The following ADGRA1 variants were observed in gnomAD, a reference collection of about 807,000 sequenced individuals.
The protein encoded by ADGRA1 is G-protein coupled receptor 123.
Under a neutral mutation model 21.3 loss-of-function variants are expected in ADGRA1, and 12 were observed. That is an observed-to-expected ratio of 0.56 (90% CI 0.36 to 0.91). The LOEUF is 0.91. Ranked by LOEUF, ADGRA1 falls within the 40% of genes least tolerant of loss-of-function variation. ADGRA1 has a pLI of 0.01. For synonymous variants in ADGRA1, 385 were observed against 368.8 expected (o/e 1.04, Z -0.50); for missense variants, 790 against 805.6 (o/e 0.98, Z 0.23).
At chr10:133,092,743 TAGGG>T (rs767516089) in intron 2 of ADGRA1, among the ~76,000 whole-genome samples, 16,590 of 109,658 alleles carry the variant, frequency 0.15, 2,226 homozygotes, top group Non-Finnish European at 0.17. Flanking sequence ...GAAGGAGAAA[TAGGG>T]AGGGAGGAAG....
At position 133,101,750 on chromosome 10, in the gene ADGRA1, G is replaced by A. The variant is rs576663856; in HGVS notation, c.256-947G>A. ...AGGCCTAGGCACTGGGATGGGACAC[G>A]ACCCCACACTCAGTGGCCAGGCCGG... On this transcript the variant is annotated intron_variant, in intron 4 of 6. Transcript: ENST00000392607. 1.5e-3 allele frequency among the ~76,000 whole-genome samples: 229 copies of A among 152,294 alleles called. 2 individuals carry two copies. The highest frequency in any genetic ancestry group is 2.6e-3 in the Non-Finnish European group (178 of 68,030).
chr10:133,101,982 G>A (rs1018236582), intron 4 of ADGRA1, among the ~76,000 whole-genome samples: 47 of 152,328 alleles, frequency 3.1e-4, no homozygotes, highest in African/African-American at 1.0e-3. Context: ...AGCTTTATGC[G>A]GCGAATCTCT....
At chr10:133,125,559 G>T (rs979625701) in intron 5 of ADGRA1, among the ~76,000 whole-genome samples, 2 of 151,994 alleles carry the variant, frequency 1.3e-5, no homozygotes, top group African/African-American at 2.4e-5. Flanking sequence ...GAGTAGCTGG[G>T]ACTACAGGCG....
chr10:133,095,397 G>C (rs1292728131), intron 2 of ADGRA1, among the ~76,000 whole-genome samples: 1 of 152,212 alleles, frequency 6.6e-6, no homozygotes, highest in Non-Finnish European at 1.5e-5. Flanking sequence ...CTCTCTGTGG[G>C]GTCCTGGTGT....
intron 5 of ADGRA1, among the ~76,000 whole-genome samples, chr10:133,113,566 G>A (rs968967181): frequency 1.1e-4 from 17 of 152,186 alleles, no homozygotes; most frequent in Admixed American, 2.0e-4. Flanking sequence ...TGGGGCCCTC[G>A]GGCACTGGGG....
chr10:133,121,984 T>C (rs1442425487), intron 5 of ADGRA1, among the ~76,000 whole-genome samples: 3 of 151,946 alleles, frequency 2.0e-5, no homozygotes, highest in African/African-American at 4.8e-5. Context: ...TGTATGTGTG[T>C]GCCTGTGTGT....
intron 5 of ADGRA1, among the ~76,000 whole-genome samples, chr10:133,121,428 TCA>T (rs1472689073): frequency 7.1e-6 from 1 of 141,056 alleles, no homozygotes; most frequent in Non-Finnish European, 1.5e-5. Context: ...GTGTGGTGTG[TCA>T]GTGTGCGTGT....
At chr10:133,102,170 G>A in intron 4 of ADGRA1, 2 of 452,292 alleles carry the variant, frequency 4.4e-6, no homozygotes, top group South Asian at 1.6e-5. Flanking sequence ...GGCCCCGTGG[G>A]GGGCTCATCC....
At position 133,130,742 on chromosome 10, in the gene ADGRA1, A is replaced by G. The variant is rs188967055; in HGVS notation, c.*1231A>G. On this transcript the variant is annotated 3_prime_UTR_variant, in exon 7 of 7. Transcript: ENST00000392607. ...CACGCGCACACACCCAAACACGTGC[A>G]TATCACACACATGCACACACACAAA... The G allele has an allele frequency of 2.0e-4, 30 of 151,810 alleles. No homozygotes were observed. Among genetic ancestry groups the G allele is most frequent in the African/African-American group, 7.0e-4 (29 of 41,278 alleles). The allele number at this position is 151,810 out of a possible 1,614,324, so 9.4% of individuals were successfully genotyped here. A position where few individuals can be genotyped will look rare whatever the true frequency, so the allele number is the denominator to read the frequency against.
At chr10:133,124,048 G>T (rs1215624652) in intron 5 of ADGRA1, among the ~76,000 whole-genome samples, 1 of 152,162 alleles carries the variant, frequency 6.6e-6, no homozygotes, top group Non-Finnish European at 1.5e-5. Context: ...TCATCTACCT[G>T]CCCCGGCACT....
At chr10:133,093,212 C>G (rs1446636710) in intron 2 of ADGRA1, 2 of 1,592,342 alleles carry the variant, frequency 1.3e-6, no homozygotes, top group South Asian at 2.2e-5. Flanking sequence ...GCTGGCATTC[C>G]CCAGGTTTGA....
chr10:133,111,808 G>GACACCTCCCTCCTAATCCCACCA (rs1564849409), intron 5 of ADGRA1, among the ~76,000 whole-genome samples: 2 of 149,542 alleles, frequency 1.3e-5, no homozygotes, highest in Non-Finnish European at 1.5e-5. Context: ...GCCCACCACA[G>GACACCTCCCTCCTAATCCCACCA]GCACCTCCCT....
Position 133,127,286 on chromosome 10 carries a change from C to T in ADGRA1, c.455C>T (p.Ala152Val), listed in dbSNP as rs776825131. Residue 152 changes from alanine (A) to valine (V), a missense_variant, in exon 6 of 7, where the codon GCC (alanine) becomes GTC (valine). Transcript: ENST00000392607. ...VPFIICGVTA[A>V]TNIRNYGTED... Reference sequence around the variant, plus strand: ...TTTATCATCTGTGGGGTCACGGCTGCCACGAACATCAGGAATTACGGGACA... The same window carrying T: ...TTTATCATCTGTGGGGTCACGGCTGTCACGAACATCAGGAATTACGGGACA... 2 of 1,599,558 alleles carry T rather than the reference C, an allele frequency of 1.3e-6. No individual in the cohort carries two copies. Among genetic ancestry groups the T allele is most frequent in the South Asian group, 2.3e-5 (2 of 88,780 alleles).
At chr10:133,112,248 A>G (rs1852045917) in intron 5 of ADGRA1, among the ~76,000 whole-genome samples, 1 of 152,114 alleles carries the variant, frequency 6.6e-6, no homozygotes, top group Non-Finnish European at 1.5e-5. Flanking sequence ...TGACATCTTA[A>G]TTTTGCAGTA....
intron 5 of ADGRA1, among the ~76,000 whole-genome samples, chr10:133,124,763 G>A (rs913022924): frequency 2.6e-5 from 4 of 152,260 alleles, no homozygotes; most frequent in African/African-American, 9.6e-5. Flanking sequence ...GGTGGGCCGA[G>A]GCTGTTGCGA....
At chr10:133,121,348 G>A (rs745497942) in intron 5 of ADGRA1, among the ~76,000 whole-genome samples, 52 of 152,214 alleles carry the variant, frequency 3.4e-4, no homozygotes, top group Admixed American at 3.2e-3. Context: ...GTGAGTGCCT[G>A]TGTGTGTGGA....
chr10:133,089,141 G>T, intron 2 of ADGRA1: 1 of 712,972 alleles, frequency 1.4e-6, no homozygotes, highest in Non-Finnish European at 2.0e-6. Context: ...ATACTAATGA[G>T]TTGCAGGCAT....
chr10:133,123,266 T>C (rs1852309982), intron 5 of ADGRA1, among the ~76,000 whole-genome samples: 1 of 152,208 alleles, frequency 6.6e-6, no homozygotes, highest in Admixed American at 6.5e-5. Context: ...CTGTGAAGCG[T>C]GTGCAGGTCT....
intron 5 of ADGRA1, among the ~76,000 whole-genome samples, chr10:133,117,548 G>C (rs1050222552): frequency 3.3e-5 from 5 of 152,194 alleles, no homozygotes; most frequent in Admixed American, 6.5e-5. Flanking sequence ...TCACTAGCCC[G>C]GGCACCTGCT....
Sources: allele counts gnomAD v4.1 joint callset (sites outside exome capture counted in the v4.1 genomes callset), GRCh38; gene constraint gnomAD v4.1.1; transcripts MANE v1.5; gene names NCBI Gene and HGNC (gene_info 2026-07-23, HGNC 2026-07-21).